HCFC1R1: variants seen among roughly 807,000 people sequenced by gnomAD.
HCFC1R1 encodes HCF-1 beta-propeller-interacting protein.
Under a neutral mutation model 13.3 loss-of-function variants are expected in HCFC1R1, and 17 were observed. The ratio of observed to expected loss-of-function variants is 1.28; its 90% confidence interval spans 0.87 to 1.91. The LOEUF is 1.91. Ranked by LOEUF, HCFC1R1 falls within the 40% of genes most tolerant of loss-of-function variation. The probability of loss-of-function intolerance (pLI) is 0.00; values close to 1 mark genes in which losing one functional copy is unlikely to be tolerated. For synonymous variants in HCFC1R1, 87 were observed against 71.1 expected, an observed-to-expected ratio of 1.22 and a Z score of -1.12; for missense variants, 218 against 177.9, an observed-to-expected ratio of 1.23 and a Z score of -1.28.
Position 3,022,783 on chromosome 16 carries a change from A to G in HCFC1R1, c.*80T>C. On this transcript the variant is annotated 3_prime_UTR_variant, in exon 4 of 4. Transcript: ENST00000248089. ...TGCCTACTCTGCAGGAGAGGGAGGA[A>G]CCTTGTCCCTTTGCGGGAGTCGCTG... 7.8e-7 allele frequency: 1 copy of G among 1,288,770 alleles called. No homozygotes were observed. Among genetic ancestry groups the G allele is most frequent in the Non-Finnish European group, 1.0e-6 (1 of 979,416 alleles). The allele number at this position is 1,288,770 out of a possible 1,614,324, so 79.8% of individuals were successfully genotyped here. A position where few individuals can be genotyped will look rare whatever the true frequency, so the allele number is the denominator to read the frequency against.
In HCFC1R1 at chr16:3,023,535, G is replaced by GA. The variant is rs748150206; in HGVS notation, c.96-6dup. ...ACAGCTCCTCGGAGAGGGGAGCTGG[G>GA]AAAAAAAGAGAGCCTGGTGCACCCC... On this transcript the variant is annotated splice_polypyrimidine_tract_variant and splice_region_variant and intron_variant, in intron 1 of 3. Transcript: ENST00000248089. 15 of 1,573,464 alleles carry GA rather than the reference G, an allele frequency of 9.5e-6. No individual in the cohort carries two copies. The highest frequency in any genetic ancestry group is 6.9e-5 in the African/African-American group (5 of 72,902).
chr16:3,022,985 C>T lies in HCFC1R1; in HGVS notation c.295G>A (p.Glu99Lys). Residue 99 changes from glutamate (E) to lysine (K), a missense_variant, in exon 4 of 4, where the codon GAG becomes AAG. By Grantham distance (56) the Glu-to-Lys change is moderately conservative. Coordinates refer to ENST00000248089, the MANE Select transcript of HCFC1R1 (RefSeq NM_017885.4). ...CCAGGATAGCGCCAGAGAAGCAGCT[C>T]AGAGCAAGGGCTCCTAGAAGAGGAA... ...ALPPLRSPCSELLLWRYPGSL... is the reference protein window; with the variant it reads ...ALPPLRSPCSKLLLWRYPGSL... 6.3e-7 allele frequency: 1 copy of T among 1,596,722 alleles called. No homozygotes were observed. The highest frequency in any genetic ancestry group is 8.5e-7 in the Non-Finnish European group (1 of 1,174,898).
chr16:3,023,126 C>A (rs2072656231), intron 3 of HCFC1R1, 107 bp downstream of exon 3: 11 of 1,508,896 alleles, frequency 7.3e-6, no homozygotes, highest in Non-Finnish European at 9.9e-6. Context: ...TGGGAAACAA[C>A]CCAGAGGTCA....
At chr16:3,023,962 G>A (rs1243903438), upstream of HCFC1R1, 10 of 1,522,882 alleles carry the variant, frequency 6.6e-6, no homozygotes, top group South Asian at 3.6e-5. Context: ...GGTCCTGCGG[G>A]TGGGATCTGG....
rs897088684 is a variant in HCFC1R1 at position 3,023,912 on chromosome 16, G to A, written c.30C>T (p.Gly10=). The change falls in exon 1 of 4, where the codon GGC becomes GGT. Residue 10 remains glycine (G), a synonymous_variant. Transcript: ENST00000248089. MILQQPLQR[G]PQGGAQRLPR... is the part of the protein sequence containing the mutation. ...GGAGGCGCTGGGCCCCTCCCTGGGG[G>A]CCTCGCTGCAAGGGCTGCTGCAGGA... The A allele has an allele frequency of 6.4e-7, 1 of 1,557,608 alleles. No individual in the cohort carries two copies. The highest frequency in any genetic ancestry group is 1.2e-5 in the South Asian group (1 of 85,126).
In HCFC1R1 at chr16:3,022,681, C is replaced by T; in HGVS notation, c.*182G>A. ...TCTTGGGGGTGGGATGCCTCCCTTCCCATGCTCCCACCCCTCCCATCCCAG... is the reference window on the plus strand; with the variant it reads ...TCTTGGGGGTGGGATGCCTCCCTTCTCATGCTCCCACCCCTCCCATCCCAG... On this transcript the variant is annotated 3_prime_UTR_variant, in exon 4 of 4. Transcript: ENST00000248089. 2.0e-6 allele frequency: 1 copy of T among 489,452 alleles called. No homozygotes were observed. The highest frequency in any genetic ancestry group is 3.6e-6 in the Non-Finnish European group (1 of 280,278). 30.3% of individuals were successfully genotyped at this position (489,452 alleles called of 1,614,324 possible).
At chr16:3,023,762 G>C in intron 1 of HCFC1R1, 85 bp downstream of exon 1, 1 of 1,174,288 alleles carries the variant, frequency 8.5e-7, no homozygotes. Flanking sequence ...GCCCCACCCC[G>C]TATTCATCCT....
Position 3,022,716 on chromosome 16 carries a change from G to T in HCFC1R1, c.*147C>A. ...ACCCCTCCCATCCCAGAACTCCGTT[G>T]GGCTCAGTGTCCTCTGTTGAGGGAA... On this transcript the variant is annotated 3_prime_UTR_variant, in exon 4 of 4. Coordinates refer to ENST00000248089, the MANE Select transcript of HCFC1R1 (RefSeq NM_017885.4). 46 of 570,038 alleles carry T rather than the reference G, an allele frequency of 8.1e-5. No individual in the cohort carries two copies. Among genetic ancestry groups the T allele is most frequent in the Middle Eastern group, 4.2e-4 (1 of 2,400 alleles). The allele number at this position is 570,038 out of a possible 1,614,324, so 35.3% of individuals were successfully genotyped here.
Position 3,023,892 on chromosome 16 carries a change from C to A in HCFC1R1, c.50G>T (p.Arg17Leu). The A allele has an allele frequency of 6.4e-7, 1 of 1,556,892 alleles. No homozygotes were observed. Among genetic ancestry groups the A allele is most frequent in the East Asian group, 2.4e-5 (1 of 42,412 alleles). ...LQRGPQGGAQ[R>L]LPRAALGVTW... ...CACCCCCAAGGCGGCCCGCGGGAGG[C>A]GCTGGGCCCCTCCCTGGGGGCCTCG... is the stretch of plus-strand genomic sequence containing the variant. Residue 17 changes from arginine to leucine, a missense_variant, in exon 1 of 4, where the codon CGC (arginine) becomes CTC (leucine). Physicochemically the swap from Arg to Leu is moderately radical, Grantham distance 102 (BLOSUM62 -2). Transcript: ENST00000248089.
rs771904406 is a variant in HCFC1R1 at position 3,023,416 on chromosome 16, T to A, written c.153-55A>T. ...GGATACTGACACAGGAGGCAGCCTG[T>A]TGGGGACCAGAGGTGACAGAGATCT... is the stretch of plus-strand genomic sequence containing the variant. On this transcript the variant is annotated intron_variant, in intron 2 of 3. Transcript: ENST00000248089. 4 of 1,613,764 alleles carry A rather than the reference T, an allele frequency of 2.5e-6. No homozygotes were observed. The South Asian group carries it at 4.4e-5, about 18-fold the overall frequency.
At chr16:3,024,278 C>G (rs745960116), upstream of HCFC1R1, 13 of 1,613,212 alleles carry the variant, frequency 8.1e-6, no homozygotes, top group South Asian at 1.3e-4. Context: ...CGTAAGGCCT[C>G]GTGAGGTTGC....
upstream of HCFC1R1, chr16:3,024,068 G>A (rs868090543): frequency 2.0e-5 from 17 of 837,358 alleles, no homozygotes; most frequent in Middle Eastern, 4.2e-3. Context: ...CGCGGAAGAC[G>A]GGCGGCGCGT....
chr16:3,024,144 A>C, upstream of HCFC1R1: 1 of 741,530 alleles, frequency 1.3e-6, no homozygotes. Flanking sequence ...TGCGGTGGAC[A>C]CCACTTCTTA....
chr16:3,023,726 A>C, intron 1 of HCFC1R1, 121 bp downstream of exon 1: 1 of 1,034,436 alleles, frequency 9.7e-7, no homozygotes. Context: ...GTCCCATCTC[A>C]GCTCACGCCT....
At chr16:3,024,127 AG>A, upstream of HCFC1R1, 1 of 719,126 alleles carries the variant, frequency 1.4e-6, no homozygotes, top group South Asian at 1.8e-5. Context: ...ATCCGGCTTA[AG>A]GGGGCTGCGG....
At chr16:3,023,583 G>C in intron 1 of HCFC1R1, 53 bp from the exon 2 acceptor site, 2 of 1,505,858 alleles carry the variant, frequency 1.3e-6, no homozygotes, top group Non-Finnish European at 1.8e-6. Flanking sequence ...CCTTCCCAAG[G>C]ATCTGCCCGC....
chr16:3,022,737 G>C lies in HCFC1R1; in HGVS notation c.*126C>G. 1.2e-6 allele frequency: 1 copy of C among 855,852 alleles called. No individual in the cohort carries two copies. Among genetic ancestry groups the C allele is most frequent in the South Asian group, 2.4e-5 (1 of 41,292 alleles). The allele number at this position is 855,852 out of a possible 1,614,324, so 53.0% of individuals were successfully genotyped here. A position where few individuals can be genotyped will look rare whatever the true frequency, so the allele number is the denominator to read the frequency against. Reference sequence around the variant, plus strand: ...CGTTGGGCTCAGTGTCCTCTGTTGAGGGAAGGTCTTGGTGCCCAGATGCCT... The same window carrying C: ...CGTTGGGCTCAGTGTCCTCTGTTGACGGAAGGTCTTGGTGCCCAGATGCCT... On this transcript the variant is annotated 3_prime_UTR_variant, in exon 4 of 4. Coordinates refer to ENST00000248089, the MANE Select transcript of HCFC1R1 (RefSeq NM_017885.4).
In HCFC1R1 at chr16:3,023,835, C is replaced by A; in HGVS notation, c.95+12G>T. ...GCCCTTGGTCAGGCCCACCCTGGTC[C>A]CCTACACGCACCTGGCGTCCAGGCC... is the stretch of plus-strand genomic sequence containing the variant. On this transcript the variant is annotated intron_variant, in intron 1 of 3. Transcript: ENST00000248089. 4.6e-6 allele frequency: 7 copies of A among 1,534,776 alleles called. No individual in the cohort carries two copies. The highest frequency in any genetic ancestry group is 2.4e-5 in the East Asian group (1 of 41,286).
intron 1 of HCFC1R1, 117 bp from the exon 2 acceptor site, chr16:3,023,647 G>T: frequency 2.4e-6 from 3 of 1,235,710 alleles, no homozygotes; most frequent in Non-Finnish European, 3.3e-6. Flanking sequence ...CTCAGCTGGT[G>T]CCGGTCCCCG....
Sources: allele counts gnomAD v4.1 joint callset, GRCh38; gene constraint gnomAD v4.1.1; transcripts MANE v1.5; gene names NCBI Gene and HGNC (gene_info 2026-07-23, HGNC 2026-07-21).